CCDC92: variants seen among roughly 807,000 people sequenced by gnomAD.
CCDC92 encodes coiled-coil domain-containing protein 92.
CCDC92 carries 12 observed loss-of-function variants against 24.9 expected under a neutral mutation model. The ratio of observed to expected loss-of-function variants is 0.48; its 90% CI spans 0.31 to 0.78. The LOEUF (loss-of-function observed/expected upper bound fraction) is 0.78. CCDC92 is among the 30% of genes least tolerant of loss of function. The pLI is 0.05. For missense variants in CCDC92, 399 were observed against 439.4 expected, an observed-to-expected ratio of 0.91 and a Z score of 0.82; for synonymous variants, 193 against 196.3, an observed-to-expected ratio of 0.98 and a Z score of 0.14.
chr12:123,938,507 T>C (rs1223855708), intron 4 of CCDC92, among the ~76,000 whole-genome samples: 1 of 152,080 alleles, frequency 6.6e-6, no homozygotes, highest in Non-Finnish European at 1.5e-5. Flanking sequence ...ACCCAGTCCT[T>C]CAGCAAACAC....
At chr12:123,939,270 T>G (rs4930724) in intron 4 of CCDC92, among the ~76,000 whole-genome samples, 1 of 151,998 alleles carries the variant, frequency 6.6e-6, no homozygotes, top group Admixed American at 6.5e-5. Context: ...CTGTCTGTCT[T>G]GCTTTGAATT....
intron 1 of CCDC92, chr12:123,971,351 C>T (rs1956527090): frequency 6.6e-6 from 1 of 150,404 alleles, no homozygotes; most frequent in South Asian, 2.1e-4. Flanking sequence ...AGGTAAAAGC[C>T]ACTTTAAACG....
At chr12:123,950,824 G>A (rs1012112142) in intron 1 of CCDC92, among the ~76,000 whole-genome samples, 4 of 152,176 alleles carry the variant, frequency 2.6e-5, no homozygotes, top group African/African-American at 7.2e-5. Context: ...TGTCTCTCCT[G>A]TGTGCACATC....
At chr12:123,969,182 C>T (rs1192914251) in intron 1 of CCDC92, among the ~76,000 whole-genome samples, 2 of 152,168 alleles carry the variant, frequency 1.3e-5, no homozygotes, top group Non-Finnish European at 2.9e-5. Flanking sequence ...TGGTTTCATA[C>T]AAATAGGGCA....
At chr12:123,955,218 C>G (rs571322502) in intron 1 of CCDC92, among the ~76,000 whole-genome samples, 3 of 152,232 alleles carry the variant, frequency 2.0e-5, no homozygotes, top group Non-Finnish European at 4.4e-5. Flanking sequence ...TTTAAGGACA[C>G]AAATATCTCC....
chr12:123,951,803 T>C (rs1445629617), intron 1 of CCDC92, among the ~76,000 whole-genome samples: 1 of 152,174 alleles, frequency 6.6e-6, no homozygotes, highest in African/African-American at 2.4e-5. Context: ...AAGGCAGCAA[T>C]TGCAGTGATT....
chr12:123,972,647 C>T lies in CCDC92; in HGVS notation c.-178G>A, dbSNP rs948682142. ...GGGCGGGGCGCGGCGGGCGGGGCTG[C>T]CTGGGCTCGGGCGCTGCCCGGGCCG... On this transcript the variant is annotated 5_prime_UTR_variant, in exon 1 of 5. Coordinates refer to ENST00000238156, the MANE Select transcript of CCDC92 (RefSeq NM_025140.3). 1 of 147,418 alleles carries T rather than the reference C, an allele frequency of 6.8e-6. No individual in the cohort carries two copies. Among genetic ancestry groups the T allele is most frequent in the Non-Finnish European group, 1.5e-5 (1 of 66,154 alleles). 9.1% of individuals were successfully genotyped at this position (147,418 alleles called of 1,614,324 possible).
chr12:123,940,680 G>A (rs1955657243), intron 4 of CCDC92, among the ~76,000 whole-genome samples: 1 of 152,222 alleles, frequency 6.6e-6, no homozygotes. Flanking sequence ...TGAGCTGACA[G>A]CAGCCAACTG....
intron 1 of CCDC92, among the ~76,000 whole-genome samples, chr12:123,953,577 A>G (rs1956079129): frequency 6.6e-6 from 1 of 152,062 alleles, no homozygotes; most frequent in Non-Finnish European, 1.5e-5. Flanking sequence ...AGGAGATGGA[A>G]ACCATCCTGG....
At chr12:123,943,311 C>T (rs758975633) in intron 3 of CCDC92, 36 bp downstream of exon 3, 25 of 1,602,314 alleles carry the variant, frequency 1.6e-5, no homozygotes, top group South Asian at 4.4e-5. Context: ...GCCCCATAGC[C>T]GCCCCCCGCC....
At chr12:123,951,013 C>T (rs2138034573) in intron 1 of CCDC92, among the ~76,000 whole-genome samples, 1 of 152,266 alleles carries the variant, frequency 6.6e-6, no homozygotes, top group East Asian at 1.9e-4. Context: ...GTCCTCTAGC[C>T]CCTGGCATGG....
At chr12:123,958,760 G>A (rs371015306) in intron 1 of CCDC92, among the ~76,000 whole-genome samples, 24 of 152,336 alleles carry the variant, frequency 1.6e-4, no homozygotes, top group South Asian at 8.3e-4. Context: ...GAACTGAGGC[G>A]TAGAGAGCTT....
intron 1 of CCDC92, among the ~76,000 whole-genome samples, chr12:123,965,664 A>G (rs1161975576): frequency 6.6e-6 from 1 of 152,206 alleles, no homozygotes; most frequent in Non-Finnish European, 1.5e-5. Flanking sequence ...CCTGTCCTAG[A>G]TCAGGCCCCA....
chr12:123,955,563 C>T (rs4765219), intron 1 of CCDC92, among the ~76,000 whole-genome samples: 4 of 152,008 alleles, frequency 2.6e-5, no homozygotes, highest in Admixed American at 6.5e-5. Flanking sequence ...AACTGATAGG[C>T]CTTCTTTTAT....
At chr12:123,939,700 CT>C (rs1156956557) in intron 4 of CCDC92, among the ~76,000 whole-genome samples, 2 of 152,094 alleles carry the variant, frequency 1.3e-5, no homozygotes, top group Non-Finnish European at 2.9e-5. Context: ...GCAGTACTAC[CT>C]TTCATGAGGT....
Position 123,935,795 on chromosome 12 carries a change from G to A in CCDC92, c.*1263C>T. ...AAAGTGCCTGGCATACATAGCATTGGCACAAGTGAGAATCCTAATGTAATT... is the reference window on the plus strand; with the variant it reads ...AAAGTGCCTGGCATACATAGCATTGACACAAGTGAGAATCCTAATGTAATT... On this transcript the variant is annotated 3_prime_UTR_variant, in exon 5 of 5. Coordinates refer to ENST00000238156, the MANE Select transcript of CCDC92 (RefSeq NM_025140.3). The A allele has an allele frequency of 4.0e-6, 1 of 251,264 alleles. No homozygotes were observed. The highest frequency in any genetic ancestry group is 2.2e-5 in the African/African-American group (1 of 45,346). The allele number at this position is 251,264 out of a possible 1,614,324, so 15.6% of individuals were successfully genotyped here. A position where few individuals can be genotyped will look rare whatever the true frequency, so the allele number is the denominator to read the frequency against.
intron 1 of CCDC92, among the ~76,000 whole-genome samples, chr12:123,963,718 T>C (rs975579679): frequency 3.3e-5 from 5 of 152,176 alleles, no homozygotes; most frequent in African/African-American, 7.2e-5. Context: ...TCCAGTGTTA[T>C]GGTTATAAAG....
chr12:123,943,318 C>T lies in CCDC92; in HGVS notation c.181+29G>A, dbSNP rs200237780. The T allele has an allele frequency of 4.1e-5, 66 of 1,605,428 alleles. 2 individuals are homozygous for T. In the Middle Eastern group the frequency reaches 8.6e-4, roughly 21 times the overall value. Reference sequence around the variant, plus strand: ...TCTGCCGTGCCCCATAGCCGCCCCCCGCCTGCCCGGGCCTGCTCCCCGATG... The same window carrying T: ...TCTGCCGTGCCCCATAGCCGCCCCCTGCCTGCCCGGGCCTGCTCCCCGATG... On this transcript the variant is annotated intron_variant, in intron 3 of 4. Coordinates refer to ENST00000238156, the MANE Select transcript of CCDC92 (RefSeq NM_025140.3).
chr12:123,941,091 A>G (rs1274594348), intron 4 of CCDC92, among the ~76,000 whole-genome samples: 1 of 152,212 alleles, frequency 6.6e-6, no homozygotes, highest in African/African-American at 2.4e-5. Context: ...GGGCAAAACT[A>G]TGCTGCTTCA....
Sources: allele counts gnomAD v4.1 joint callset (sites outside exome capture counted in the v4.1 genomes callset), GRCh38; gene constraint gnomAD v4.1.1; transcripts MANE v1.5; gene names NCBI Gene and HGNC (gene_info 2026-07-23, HGNC 2026-07-21).